Variants in MARCHF6 observed in about 807,000 individuals in gnomAD.
The protein encoded by MARCHF6 is membrane associated ring-CH-type finger 6.
Under a neutral mutation model 133.7 loss-of-function variants are expected in MARCHF6, and 31 were observed. The observed-to-expected ratio is 0.23, with a 90% CI of 0.17 to 0.31. MARCHF6 has a LOEUF of 0.31. Ranked by LOEUF, MARCHF6 falls within the 10% of genes least tolerant of loss-of-function variation. The probability of loss-of-function intolerance (pLI) is 1.00; values close to 1 mark genes in which losing one functional copy is unlikely to be tolerated. For synonymous variants in MARCHF6, 395 were observed against 402.5 expected (o/e 0.98, Z 0.22); for missense variants, 723 against 1,121.6 (o/e 0.64, Z 5.08).
intron 25 of MARCHF6, among the ~76,000 whole-genome samples, chr5:10,430,869 A>AT (rs1187640126): frequency 6.6e-6 from 1 of 152,158 alleles, no homozygotes; most frequent in Non-Finnish European, 1.5e-5. Flanking sequence ...TCAGTGAGAG[A>AT]TTGAGGAAAG....
chr5:10,402,937 A>T (rs1230750642), intron 14 of MARCHF6, among the ~76,000 whole-genome samples: 1 of 152,220 alleles, frequency 6.6e-6, no homozygotes, highest in Non-Finnish European at 1.5e-5. Context: ...CTGTCTTTGT[A>T]GTAATAAATT....
chr5:10,426,291 A>AT, intron 23 of MARCHF6, 99 bp from the exon 24 acceptor site: 1 of 1,361,584 alleles, frequency 7.3e-7, no homozygotes, highest in Non-Finnish European at 1.0e-6. Context: ...CAGTTTGACT[A>AT]TTTTTGGGTT....
intron 19 of MARCHF6, among the ~76,000 whole-genome samples, chr5:10,413,048 G>A (rs998238011): frequency 2.6e-5 from 4 of 152,130 alleles, no homozygotes; most frequent in African/African-American, 9.7e-5. Flanking sequence ...AGCACCTTGA[G>A]CACCCTCTGC....
rs757101939 is a variant in MARCHF6, at chr5:10,391,705, C to T, written c.740C>T (p.Ala247Val). 2.1e-5 allele frequency: 33 copies of T among 1,577,804 alleles called. No individual in the cohort carries two copies. Among genetic ancestry groups the T allele is most frequent in the South Asian group, 1.0e-4 (9 of 87,038 alleles). The change falls in exon 7 of 26, where the codon GCG becomes GTG. Residue 247 changes from alanine to valine, a missense_variant. Ala to Val is a moderately conservative substitution (Grantham distance 64). Coordinates refer to ENST00000274140, the MANE Select transcript of MARCHF6 (RefSeq NM_005885.4). ...GAAGATGACGCTGGTGTGGAGGATG[C>T]GGCAGATGCTAATAACGGAGCCCAG... ...EEEDDAGVED[A>V]ADANNGAQDD...
intron 11 of MARCHF6, chr5:10,401,382 C>T (rs1162435913): frequency 1.3e-5 from 2 of 153,842 alleles, no homozygotes; most frequent in African/African-American, 2.4e-5. Context: ...GGATCATATG[C>T]TCAGTTTGTA....
rs1739554316 is a variant in MARCHF6, at chr5:10,417,076, C to A, written c.2149-194C>A. ...GAACTGGATTGTGAGAAAAAAACAG[C>A]CCAGCCAGCTGTGTGCTTTTTATGT... On this transcript the variant is annotated intron_variant, in intron 21 of 25. Coordinates refer to ENST00000274140, the MANE Select transcript of MARCHF6 (RefSeq NM_005885.4). Among the ~76,000 whole-genome samples the A allele has an allele frequency of 2.0e-5, 3 of 152,212 alleles. No homozygotes were observed. In the South Asian group the frequency reaches 6.2e-4, roughly 31 times the overall value.
chr5:10,378,932 G>A (rs1184510291), intron 3 of MARCHF6, 100 bp downstream of exon 3: 32 of 670,508 alleles, frequency 4.8e-5, no homozygotes, highest in Non-Finnish European at 7.8e-5. Flanking sequence ...GGATAAAAGT[G>A]CTTAAGCACT....
intron 1 of MARCHF6, among the ~76,000 whole-genome samples, chr5:10,368,009 C>T (rs1736235829): frequency 6.6e-6 from 1 of 152,158 alleles, no homozygotes; most frequent in Non-Finnish European, 1.5e-5. Flanking sequence ...CATAATTTTA[C>T]TGCATACGAA....
chr5:10,390,613 T>C, intron 6 of MARCHF6, 113 bp downstream of exon 6: 1 of 1,062,340 alleles, frequency 9.4e-7, no homozygotes, highest in South Asian at 1.7e-5. Flanking sequence ...TCTTTTGTTA[T>C]TACAAAGGAG....
intron 19 of MARCHF6, among the ~76,000 whole-genome samples, chr5:10,411,791 CATTATTG>C (rs1739246081): frequency 6.6e-6 from 1 of 152,228 alleles, no homozygotes; most frequent in African/African-American, 2.4e-5. Flanking sequence ...AAGAAACTAA[CATTATTG>C]ATACATTTCA....
chr5:10,388,382 A>T (rs552952822), intron 5 of MARCHF6, among the ~76,000 whole-genome samples: 99 of 152,242 alleles, frequency 6.5e-4, no homozygotes, highest in African/African-American at 2.2e-3. Context: ...TTTACTTTAA[A>T]TTTCCTTAAT....
At chr5:10,426,331 ATTAAC>A (rs1740084403) in intron 23 of MARCHF6, 54 bp from the exon 24 acceptor site, 2 of 1,582,130 alleles carry the variant, frequency 1.3e-6, no homozygotes, top group African/African-American at 1.4e-5. Context: ...AGATTGCTGT[ATTAAC>A]TTGGAGGAAT....
At chr5:10,354,148 CCGGGGCCGGGGT>C (rs1264430110) in intron 1 of MARCHF6, among the ~76,000 whole-genome samples, 1 of 151,872 alleles carries the variant, frequency 6.6e-6, no homozygotes, top group Non-Finnish European at 1.5e-5. Context: ...CGGGCAGGGG[CCGGGGCCGGGGT>C]CGGGGCCTCG....
At chr5:10,380,538 C>CA (rs972919161) in intron 3 of MARCHF6, among the ~76,000 whole-genome samples, 2 of 151,940 alleles carry the variant, frequency 1.3e-5, no homozygotes, top group African/African-American at 2.4e-5. Flanking sequence ...TTATCTTTTG[C>CA]AAAAAATCTC....
chr5:10,417,177 C>A, intron 21 of MARCHF6, 93 bp from the exon 22 acceptor site: 1 of 1,416,132 alleles, frequency 7.1e-7, no homozygotes, highest in Non-Finnish European at 9.6e-7. Flanking sequence ...ACTGTGGTTG[C>A]TCTGTTAGGC....
chr5:10,368,736 C>T (rs765449170), intron 1 of MARCHF6, among the ~76,000 whole-genome samples: 3 of 152,000 alleles, frequency 2.0e-5, no homozygotes, highest in Non-Finnish European at 2.9e-5. Flanking sequence ...TGCGCCACCA[C>T]GTTCTCGGTA....
At chr5:10,427,486 T>C (rs1404618265) in intron 24 of MARCHF6, among the ~76,000 whole-genome samples, 1 of 152,222 alleles carries the variant, frequency 6.6e-6, no homozygotes. Flanking sequence ...TGTCATATAC[T>C]CTGAGTTTTG....
At chr5:10,358,209 T>A (rs1735597632) in intron 1 of MARCHF6, among the ~76,000 whole-genome samples, 1 of 151,966 alleles carries the variant, frequency 6.6e-6, no homozygotes, top group African/African-American at 2.4e-5. Context: ...GTTCAATAAA[T>A]CACCAGGAGA....
chr5:10,399,317 T>C (rs1341253388), intron 10 of MARCHF6, among the ~76,000 whole-genome samples: 2 of 151,844 alleles, frequency 1.3e-5, no homozygotes, highest in African/African-American at 2.4e-5. Flanking sequence ...GTATATATAA[T>C]TTATAAATAA....
Sources: gnomAD v4.1 joint callset for allele counts (sites outside exome capture counted in the v4.1 genomes callset) on GRCh38, gnomAD v4.1.1 for gene constraint, MANE v1.5 for transcripts, NCBI Gene and HGNC (gene_info 2026-07-23, HGNC 2026-07-21) for gene names.